SEMA6D: variants seen among roughly 807,000 people sequenced by gnomAD.
SEMA6D encodes the protein semaphorin-6D.
SEMA6D carries 35 observed loss-of-function variants against 106.6 expected under a neutral mutation model. The ratio of observed to expected loss-of-function variants is 0.33; its 90% CI spans 0.25 to 0.44. SEMA6D has a LOEUF of 0.44. SEMA6D is among the 20% of genes least tolerant of loss of function. The probability of loss-of-function intolerance (pLI) is 1.00; values close to 1 mark genes in which losing one functional copy is unlikely to be tolerated. For synonymous variants in SEMA6D, 499 were observed against 487.7 expected, an observed-to-expected ratio of 1.02 and a Z score of -0.31; for missense variants, 1,185 against 1,345.9, an observed-to-expected ratio of 0.88 and a Z score of 1.87.
At chr15:47,601,916 A>G (rs1186927402) in intron 4 of SEMA6D, among the ~76,000 whole-genome samples, 2 of 152,212 alleles carry the variant, frequency 1.3e-5, no homozygotes, top group African/African-American at 2.4e-5. Context: ...GTTAAACTTC[A>G]TTATGTATTG....
intron 1 of SEMA6D, among the ~76,000 whole-genome samples, chr15:47,226,930 G>A (rs1051869392): frequency 1.3e-5 from 2 of 151,882 alleles, no homozygotes; most frequent in African/African-American, 2.4e-5. Context: ...TTCATGGCTC[G>A]ATCATGTTAT....
chr15:47,236,006 C>T (rs898411554), intron 1 of SEMA6D, among the ~76,000 whole-genome samples: 1 of 152,012 alleles, frequency 6.6e-6, no homozygotes, highest in African/African-American at 2.4e-5. Context: ...AGCTGGGTAG[C>T]AAGGGATAGG....
At chr15:47,607,374 T>C (rs74447815) in intron 4 of SEMA6D, among the ~76,000 whole-genome samples, 3,416 of 152,080 alleles carry the variant, frequency 0.022, 133 homozygotes, top group African/African-American at 0.079. Context: ...CAAATGGAGG[T>C]TCATCAAGAT....
chr15:47,474,631 T>G (rs1265990947), intron 3 of SEMA6D, among the ~76,000 whole-genome samples: 1 of 152,206 alleles, frequency 6.6e-6, no homozygotes, highest in Non-Finnish European at 1.5e-5. Flanking sequence ...TTAAAGCCAT[T>G]TAACACCTAC....
intron 4 of SEMA6D, among the ~76,000 whole-genome samples, chr15:47,689,049 A>G (rs1440371366): frequency 6.6e-6 from 1 of 152,210 alleles, no homozygotes. Flanking sequence ...TCCACCCAGG[A>G]AAAGGAGGGT....
rs1338447045 is a variant in SEMA6D at position 47,488,317 on chromosome 15, T to C, written c.-87+17772T>C. ...ATTATTCTGGTGTCCTTTTTATCTG[T>C]TTCCATATGTACATGAAGCTTTATA... On this transcript the variant is annotated intron_variant, in intron 3 of 19. Transcript: ENST00000558014. Among the ~76,000 whole-genome samples, 3 of 152,170 alleles carry C rather than the reference T, an allele frequency of 2.0e-5. No homozygotes were observed. In the East Asian group the frequency reaches 5.8e-4, roughly 29 times the overall value.
intron 3 of SEMA6D, among the ~76,000 whole-genome samples, chr15:47,498,208 C>G (rs2043733080): frequency 6.6e-6 from 1 of 152,076 alleles, no homozygotes; most frequent in African/African-American, 2.4e-5. Context: ...AATGAGTGAC[C>G]TGATTATAAC....
chr15:47,385,691 AAAAC>A (rs905200969), intron 1 of SEMA6D, among the ~76,000 whole-genome samples: 32 of 152,162 alleles, frequency 2.1e-4, no homozygotes, highest in African/African-American at 7.5e-4. Context: ...TTTTTTAAAA[AAAAC>A]AAGAATTATC....
intron 1 of SEMA6D, among the ~76,000 whole-genome samples, chr15:47,304,115 G>T (rs1163274954): frequency 6.6e-6 from 1 of 152,030 alleles, no homozygotes; most frequent in East Asian, 1.9e-4. Flanking sequence ...CCAGAAAGGG[G>T]TTGTCATGTT....
chr15:47,189,983 C>A (rs552036320), intron 1 of SEMA6D, among the ~76,000 whole-genome samples: 2 of 152,236 alleles, frequency 1.3e-5, no homozygotes, highest in African/African-American at 4.8e-5. Context: ...GCAAGTGAAC[C>A]TCAGAGGATT....
chr15:47,198,017 A>G (rs1480080471), intron 1 of SEMA6D, among the ~76,000 whole-genome samples: 1 of 152,150 alleles, frequency 6.6e-6, no homozygotes, highest in Non-Finnish European at 1.5e-5. Flanking sequence ...ATGTAACATA[A>G]TGCCCTCCAA....
intron 1 of SEMA6D, among the ~76,000 whole-genome samples, chr15:47,306,055 C>A (rs2143002927): frequency 6.6e-6 from 1 of 152,052 alleles, no homozygotes; most frequent in Admixed American, 6.5e-5. Context: ...GATTTTGGCT[C>A]ACTGCAATCT....
intron 3 of SEMA6D, among the ~76,000 whole-genome samples, chr15:47,517,243 A>T (rs2044418026): frequency 6.6e-6 from 1 of 152,138 alleles, no homozygotes; most frequent in African/African-American, 2.4e-5. Context: ...GTGATCAGTT[A>T]CTGCTTTGAA....
In SEMA6D at chr15:47,394,447, G is replaced by A. The variant is rs112157065; in HGVS notation, c.-238-17946G>A. On this transcript the variant is annotated intron_variant, in intron 1 of 19. Transcript: ENST00000558014. ...ACAGATTCTGAAGAGTGCTGGATTC[G>A]TATCAAAAGAGAGTGGCGAATTAGT... Among the ~76,000 whole-genome samples the A allele has an allele frequency of 6.6e-3, 1,002 of 152,198 alleles. 11 individuals are homozygous for A. Among genetic ancestry groups the A allele is most frequent in the African/African-American group, 0.023 (965 of 41,524 alleles).
At chr15:47,474,166 C>T (rs1198165619) in intron 3 of SEMA6D, among the ~76,000 whole-genome samples, 3 of 152,244 alleles carry the variant, frequency 2.0e-5, no homozygotes, top group East Asian at 3.9e-4. Flanking sequence ...GTCAGCTTGT[C>T]GCCTTGCTTT....
At chr15:47,288,826 A>T (rs2035479135) in intron 1 of SEMA6D, among the ~76,000 whole-genome samples, 1 of 152,072 alleles carries the variant, frequency 6.6e-6, no homozygotes. Context: ...CACAGCCCAC[A>T]CTCTTACTTA....
intron 3 of SEMA6D, among the ~76,000 whole-genome samples, chr15:47,526,748 T>G (rs1365649903): frequency 6.6e-6 from 1 of 152,116 alleles, no homozygotes; most frequent in Admixed American, 6.5e-5. Flanking sequence ...TTATTTTTTT[T>G]TTTTCTGAGA....
chr15:47,768,370 T>G lies in SEMA6D; in HGVS notation c.1766-211T>G, dbSNP rs186644266. 5.3e-5 allele frequency among the ~76,000 whole-genome samples: 8 copies of G among 152,274 alleles called. No homozygotes were observed. In the East Asian group the frequency reaches 1.4e-3, roughly 26 times the overall value. The stretch of plus-strand genomic sequence containing the variant: ...CTTTCGAGTATCTTTAATTTTGAAA[T>G]CTGCTGAATATGTCTTTACTGTTAA... On this transcript the variant is annotated intron_variant, in intron 17 of 18. Transcript: ENST00000536845.
chr15:47,549,521 C>T (rs976881254), intron 3 of SEMA6D, among the ~76,000 whole-genome samples: 1 of 152,012 alleles, frequency 6.6e-6, no homozygotes, highest in Non-Finnish European at 1.5e-5. Flanking sequence ...CATATCTTGG[C>T]GGTATTATTG....
Sources: gnomAD v4.1 joint callset for allele counts (sites outside exome capture counted in the v4.1 genomes callset) on GRCh38, gnomAD v4.1.1 for gene constraint, MANE v1.5 for transcripts, NCBI Gene and HGNC (gene_info 2026-07-23, HGNC 2026-07-21) for gene names.